Variants in MYO1C observed in about 807,000 individuals in gnomAD.
MYO1C encodes the protein myosin IC.
A neutral mutation model predicts 150.8 loss-of-function variants in MYO1C; 104 were observed. That is an observed-to-expected ratio of 0.69 (90% confidence interval 0.59 to 0.81). MYO1C has a LOEUF of 0.81. MYO1C is among the 30% of genes least tolerant of loss of function. MYO1C has a pLI of 0.00. For missense variants in MYO1C, 1,504 were observed against 1,435.0 expected (o/e 1.05, Z -0.78); for synonymous variants, 663 against 579.9 (o/e 1.14, Z -2.06).
chr17:1,491,747 C>T (rs1598352439), intron 1 of MYO1C: 5 of 679,196 alleles, frequency 7.4e-6, no homozygotes, highest in East Asian at 2.7e-4. Flanking sequence ...GCGCACCCTC[C>T]GGCCCCGCCC....
At chr17:1,474,073 A>G (rs1297457203) in intron 17 of MYO1C, among the ~76,000 whole-genome samples, 1 of 152,106 alleles carries the variant, frequency 6.6e-6, no homozygotes, top group Non-Finnish European at 1.5e-5. Flanking sequence ...GGATTCCCCT[A>G]CAGACACAGC....
At chr17:1,466,154 T>C (rs892229832) in intron 31 of MYO1C, among the ~76,000 whole-genome samples, 1 of 71,586 alleles carries the variant, frequency 1.4e-5, no homozygotes, top group Non-Finnish European at 2.5e-5. Flanking sequence ...CCGTGCTGCC[T>C]TTTTTTTTTT....
At chr17:1,469,416 ACGCGGTAAATACGGTAGAC>A in intron 25 of MYO1C, 96 bp downstream of exon 25, 1 of 1,021,254 alleles carries the variant, frequency 9.8e-7, no homozygotes, top group Non-Finnish European at 1.5e-6. Context: ...ATACGGTAGA[ACGCGGTAAATACGGTAGAC>A]CGGGGTAAAT....
At chr17:1,467,404 C>A (rs1313404212) in intron 30 of MYO1C, 63 bp from the exon 31 acceptor site, 7 of 1,593,650 alleles carry the variant, frequency 4.4e-6, no homozygotes, top group African/African-American at 4.0e-5. Flanking sequence ...TAAGGTGGAC[C>A]CCCACCCTGT....
chr17:1,465,946 C>G (rs986099141), intron 31 of MYO1C, among the ~76,000 whole-genome samples, 194 bp from the exon 32 acceptor site: 1 of 152,046 alleles, frequency 6.6e-6, no homozygotes, highest in East Asian at 1.9e-4. Flanking sequence ...GGATTACAGG[C>G]GTGAGCCGCC....
In MYO1C at chr17:1,492,564, C is replaced by T; in HGVS notation, c.-77G>A. On this transcript the variant is annotated 5_prime_UTR_variant, in exon 1 of 32. Transcript: ENST00000648651. ...CTGCCTGCCCACTGGCGGGCTCCGA[C>T]CACTCCGGGACCAGGAACCTACGGT... 3 of 1,384,840 alleles carry T rather than the reference C, an allele frequency of 2.2e-6. No homozygotes were observed. Among genetic ancestry groups the T allele is most frequent in the Non-Finnish European group, 3.0e-6 (3 of 997,484 alleles). 85.8% of individuals were successfully genotyped at this position (1,384,840 alleles called of 1,614,324 possible). A position where few individuals can be genotyped will look rare whatever the true frequency, so the allele number is the denominator to read the frequency against.
chr17:1,474,986 C>G lies in MYO1C; in HGVS notation c.1621G>C (p.Glu541Gln). The G allele has an allele frequency of 6.4e-7, 1 of 1,558,454 alleles. No individual in the cohort carries two copies. Among genetic ancestry groups the G allele is most frequent in the Non-Finnish European group, 8.7e-7 (1 of 1,150,646 alleles). Residue 541 changes from glutamate to glutamine, a missense_variant, in exon 15 of 32, where the codon GAA (glutamate) becomes CAA (glutamine). Coordinates refer to ENST00000648651, the MANE Select transcript of MYO1C (RefSeq NM_001080779.2). ...QRTRKSLGRG[E>Q]FRLLHYAGEV... ...CCCGCATAGTGCAGAAGGCGGAATT[C>G]CCCTCGGCCCAGAGATTTCCTGGTC...
At chr17:1,487,602 C>T (rs1439868469) in intron 1 of MYO1C, among the ~76,000 whole-genome samples, 2 of 152,058 alleles carry the variant, frequency 1.3e-5, no homozygotes, top group Admixed American at 6.5e-5. Context: ...GAGACGCCCG[C>T]TGCGGTGCCC....
rs367629083 is a variant in MYO1C at position 1,479,549 on chromosome 17, C to A, written c.1020+43G>T. The A allele has an allele frequency of 3.7e-5, 52 of 1,403,372 alleles. No individual in the cohort carries two copies. The highest frequency in any genetic ancestry group is 1.9e-4 in the Admixed American group (10 of 52,890). The allele number at this position is 1,403,372 out of a possible 1,614,324, so 86.9% of individuals were successfully genotyped here. On this transcript the variant is annotated intron_variant, in intron 8 of 31. Coordinates refer to ENST00000648651, the MANE Select transcript of MYO1C (RefSeq NM_001080779.2). This position sits in a 1 kb window ranked among gnomAD's most constrained non-coding sequence, Gnocchi z 4.2. The stretch of plus-strand genomic sequence containing the variant: ...ACGGTGAGGGTGCACCCCCAGCCCC[C>A]GCCCCCGCCGTCCTCCCGTCGCCCT...
chr17:1,472,805 G>A (rs1048820019), intron 17 of MYO1C, among the ~76,000 whole-genome samples: 1 of 152,168 alleles, frequency 6.6e-6, no homozygotes, highest in African/African-American at 2.4e-5. Context: ...AGGATAAGGA[G>A]GAGGGGCGGG....
At chr17:1,481,608 C>G (rs75450180) in intron 5 of MYO1C, among the ~76,000 whole-genome samples, 1 of 151,574 alleles carries the variant, frequency 6.6e-6, no homozygotes, top group Non-Finnish European at 1.5e-5. Context: ...TCAAGCAATT[C>G]TCCTGCCTCA....
intron 17 of MYO1C, 124 bp from the exon 18 acceptor site, chr17:1,472,352 A>C: frequency 3.8e-6 from 3 of 786,190 alleles, no homozygotes; most frequent in Non-Finnish European, 6.3e-6. Context: ...CCTGGTCCTT[A>C]CTCCTCCCAC....
rs764135893 is a variant in MYO1C, at chr17:1,470,462, C to G, written c.2339G>C (p.Arg780Thr). The G allele has an allele frequency of 1.6e-5, 25 of 1,550,930 alleles. No homozygotes were observed. In the South Asian group the frequency reaches 3.0e-4, roughly 18 times the overall value. The change falls in exon 23 of 32, where the codon AGG (arginine) becomes ACG (threonine). Residue 780 changes from arginine (R) to threonine (T), a missense_variant. By Grantham distance (71) the Arg-to-Thr change is moderately conservative. Coordinates refer to ENST00000648651, the MANE Select transcript of MYO1C (RefSeq NM_001080779.2). ...GTLGRRKAAK[R>T]KWAAQTIRRL... ...CCGGATGGTCTGTGCCGCCCACTTC[C>G]TCTTGGCTGCCTTCCTCCGGCCCAG...
rs756641490 is a variant in MYO1C at position 1,472,088 on chromosome 17, G to A, written c.1903+35C>T. 11 of 1,613,074 alleles carry A rather than the reference G, an allele frequency of 6.8e-6. No individual in the cohort carries two copies. In the South Asian group the frequency reaches 1.2e-4, roughly 18 times the overall value. On this transcript the variant is annotated intron_variant, in intron 18 of 31. Transcript: ENST00000648651. ...TGACGGCCTGTCTCCTGCAGGGGAG[G>A]CCCGGCCCCGAAGTCCCCCGTGGGA...
At chr17:1,489,841 C>T (rs1433081825) in intron 1 of MYO1C, among the ~76,000 whole-genome samples, 1 of 151,414 alleles carries the variant, frequency 6.6e-6, no homozygotes, top group Non-Finnish European at 1.5e-5. Context: ...GAGTTCCAGA[C>T]CAGCCTGGCC....
At chr17:1,476,920 C>T (rs2074413088) in intron 14 of MYO1C, among the ~76,000 whole-genome samples, 1 of 151,794 alleles carries the variant, frequency 6.6e-6, no homozygotes, top group Non-Finnish European at 1.5e-5. Flanking sequence ...CTCACTGCAA[C>T]CTGCACCTCC....
In MYO1C at chr17:1,480,528, TC is replaced by T; in HGVS notation, c.904del (p.Glu302ArgfsTer4). The T allele has an allele frequency of 6.2e-7, 1 of 1,610,920 alleles. No homozygotes were observed. Among genetic ancestry groups the T allele is most frequent in the Non-Finnish European group, 8.5e-7 (1 of 1,177,290 alleles). ...CGAGGGTCCCGGAAGAGGCCTCACC[TC>T]CACTTCATCCTCGGTGAAATCAATG... ...TVIDFTEDEV[E>X]DLLSIVASVL... On this transcript the variant is annotated frameshift_variant and splice_region_variant, in exon 7 of 32. Coordinates refer to ENST00000648651, the MANE Select transcript of MYO1C (RefSeq NM_001080779.2). LOFTEE classifies it high-confidence loss of function.
chr17:1,483,969 G>A (rs1024046694), intron 2 of MYO1C, among the ~76,000 whole-genome samples, 179 bp downstream of exon 2: 9 of 152,032 alleles, frequency 5.9e-5, no homozygotes, highest in African/African-American at 2.2e-4. Flanking sequence ...TTGAACCCGG[G>A]GGGAGGAGGT....
rs2074465474 is a variant in MYO1C at position 1,479,369 on chromosome 17, G to C, written c.1092+62C>G. The C allele has an allele frequency of 2.4e-6, 2 of 818,622 alleles. No individual in the cohort carries two copies. Among genetic ancestry groups the C allele is most frequent in the Admixed American group, 2.0e-5 (1 of 50,136 alleles). The allele number at this position is 818,622 out of a possible 1,614,324, so 50.7% of individuals were successfully genotyped here. A position where few individuals can be genotyped will look rare whatever the true frequency, so the allele number is the denominator to read the frequency against. On this transcript the variant is annotated intron_variant, in intron 9 of 31. Coordinates refer to ENST00000648651, the MANE Select transcript of MYO1C (RefSeq NM_001080779.2). This position sits in a 1 kb window ranked among gnomAD's most constrained non-coding sequence, Gnocchi z 4.2. ...GGGAACCAGGCGAAGGGGAGTGATG[G>C]GAGTAGGGGCTGCCTTGGAACAGCT...
Sources: gnomAD v4.1 joint callset for allele counts (sites outside exome capture counted in the v4.1 genomes callset) on GRCh38, gnomAD v4.1.1 for gene constraint, Gnocchi (gnomAD v3.1) non-coding constraint, MANE v1.5 for transcripts, NCBI Gene and HGNC (gene_info 2026-07-23, HGNC 2026-07-21) for gene names.